The following ALDH1L2 variants were observed in gnomAD, a reference collection of about 807,000 sequenced individuals.
ALDH1L2 encodes aldehyde dehydrogenase 1 family member L2, also known as mitochondrial 10-formyltetrahydrofolate dehydrogenase.
In ALDH1L2, 91 loss-of-function variants were observed where a neutral mutation model predicts 111.0. That is an observed-to-expected ratio of 0.82 (90% confidence interval 0.69 to 0.98). The LOEUF (loss-of-function observed/expected upper bound fraction) is 0.98. Ranked by LOEUF, ALDH1L2 falls within the 50% of genes least tolerant of loss-of-function variation. The pLI is 0.00. For synonymous variants in ALDH1L2, 374 were observed against 392.6 expected, an observed-to-expected ratio of 0.95 and a Z score of 0.56; for missense variants, 995 against 1,126.8, an observed-to-expected ratio of 0.88 and a Z score of 1.67.
At chr12:105,072,196 T>C (rs1877778396) in intron 2 of ALDH1L2, among the ~76,000 whole-genome samples, 1 of 148,110 alleles carries the variant, frequency 6.8e-6, no homozygotes, top group Non-Finnish European at 1.5e-5. Context: ...TCCTATATGA[T>C]ATATACATTT....
intron 2 of ALDH1L2, among the ~76,000 whole-genome samples, chr12:105,073,327 CATAT>C (rs1392313235): frequency 6.6e-6 from 1 of 152,188 alleles, no homozygotes; most frequent in Non-Finnish European, 1.5e-5. Context: ...CCCACTTCCT[CATAT>C]AGTTACTCTA....
At chr12:105,046,215 ATATATATTTTTTTTTTTTT>A (rs1875886888) in intron 15 of ALDH1L2, among the ~76,000 whole-genome samples, 3 of 37,718 alleles carry the variant, frequency 8.0e-5, no homozygotes, top group Middle Eastern at 0.017. Flanking sequence ...ATATATATAT[ATATATATTTTTTTTTTTTT>A]TTTTTTTTTT....
chr12:105,038,289 C>A (rs771848251), intron 17 of ALDH1L2, 87 bp from the exon 18 acceptor site: 12,135 of 283,876 alleles, frequency 0.043, 134 homozygotes, highest in Admixed American at 0.057. Context: ...AACACACACA[C>A]ACACACACAC....
Position 105,052,804 on chromosome 12 carries a change from T to C in ALDH1L2, c.1407+8A>G. 6.2e-7 allele frequency: 1 copy of C among 1,614,034 alleles called. No homozygotes were observed. The highest frequency in any genetic ancestry group is 8.5e-7 in the Non-Finnish European group (1 of 1,179,956). ...AGTGATCACTACTCACACTAAAGAA[T>C]TACTCACAGATCCATCTGTTGGGTT... On this transcript the variant is annotated splice_region_variant and intron_variant, in intron 11 of 22. Transcript: ENST00000258494.
intron 10 of ALDH1L2, among the ~76,000 whole-genome samples, chr12:105,057,396 A>G (rs571020497): frequency 1.1e-4 from 16 of 152,322 alleles, no homozygotes; most frequent in African/African-American, 1.9e-4. Context: ...TGACTCATCA[A>G]TTCCACTCTT....
chr12:105,050,099 T>C (rs1417265097), intron 12 of ALDH1L2, 41 bp from the exon 13 acceptor site: 18 of 1,517,912 alleles, frequency 1.2e-5, no homozygotes, highest in Non-Finnish European at 1.4e-5. Context: ...CAAGTATTGA[T>C]TGAGCTCCTG....
At chr12:105,039,241 ATGAC>A (rs146018272) in intron 17 of ALDH1L2, among the ~76,000 whole-genome samples, 9,952 of 152,062 alleles carry the variant, frequency 0.065, 444 homozygotes, top group East Asian at 0.19. Context: ...CTCTATGAAC[ATGAC>A]TGCACAGTGT....
chr12:105,031,023 T>A (rs1306317663), intron 20 of ALDH1L2, among the ~76,000 whole-genome samples: 4 of 152,258 alleles, frequency 2.6e-5, no homozygotes, highest in Non-Finnish European at 5.9e-5. Context: ...TATCGTCATG[T>A]TAAAGAGACT....
chr12:105,030,052 C>T (rs1874617310), intron 21 of ALDH1L2: 1 of 236,698 alleles, frequency 4.2e-6, no homozygotes, highest in Non-Finnish European at 8.1e-6. Context: ...TTACTTTGTT[C>T]CACAGACATC....
chr12:105,072,792 G>A (rs1565973386), intron 2 of ALDH1L2, among the ~76,000 whole-genome samples: 1 of 152,172 alleles, frequency 6.6e-6, no homozygotes, highest in Non-Finnish European at 1.5e-5. Context: ...TGGCCAACAT[G>A]GTGAAACCAT....
chr12:105,045,086 G>A (rs920272664), intron 15 of ALDH1L2, among the ~76,000 whole-genome samples: 3 of 149,624 alleles, frequency 2.0e-5, no homozygotes, highest in Non-Finnish European at 4.5e-5. Context: ...AAGTTTGTTT[G>A]TTTGTTTGTT....
chr12:105,073,858 C>T lies in ALDH1L2; in HGVS notation c.193+3G>A. 1 of 1,614,018 alleles carries T rather than the reference C, an allele frequency of 6.2e-7. No homozygotes were observed. On this transcript the variant is annotated splice_donor_region_variant and intron_variant, in intron 2 of 22. Coordinates refer to ENST00000258494, the MANE Select transcript of ALDH1L2 (RefSeq NM_001034173.4). ...TGACCCAGTCATCCCAAGATGCACTCACCCAGAGGGTCAGCTTTTCCATCC... is the reference window on the plus strand; with the variant it reads ...TGACCCAGTCATCCCAAGATGCACTTACCCAGAGGGTCAGCTTTTCCATCC...
chr12:105,063,703 G>C (rs1026372507), intron 6 of ALDH1L2, among the ~76,000 whole-genome samples: 3 of 152,088 alleles, frequency 2.0e-5, no homozygotes, highest in Non-Finnish European at 1.5e-5. Flanking sequence ...GTCAATGATG[G>C]GCAATGCACA....
At position 105,070,609 on chromosome 12, in the gene ALDH1L2, G is replaced by T; in HGVS notation, c.389C>A (p.Ser130Tyr). The change falls in exon 3 of 23, where the codon TCC (serine) becomes TAC (tyrosine). Residue 130 changes from serine (S) to tyrosine (Y), a missense_variant. Physicochemically the swap from Ser to Tyr is moderately radical, Grantham distance 144. Coordinates refer to ENST00000258494, the MANE Select transcript of ALDH1L2 (RefSeq NM_001034173.4). Reference protein sequence around the residue: ...PKHGSIIYHPSILPRHRGASA... With the variant: ...PKHGSIIYHPYILPRHRGASA... ...GGCTCCTCTGTGCCTGGGCAGGATG[G>T]ATGGGTGATAAATGATAGAGCCGTG... is the stretch of plus-strand genomic sequence containing the variant. The T allele has an allele frequency of 1.2e-6, 2 of 1,614,066 alleles. No homozygotes were observed. Among genetic ancestry groups the T allele is most frequent in the South Asian group, 1.1e-5 (1 of 91,078 alleles).
intron 18 of ALDH1L2, 27 bp downstream of exon 18, chr12:105,038,076 A>G (rs763189445): frequency 5.0e-6 from 8 of 1,595,786 alleles, no homozygotes; most frequent in Non-Finnish European, 6.9e-6. Flanking sequence ...CCAGGCACCT[A>G]TTTACTTAAA....
At chr12:105,031,044 T>C (rs1874670718) in intron 20 of ALDH1L2, among the ~76,000 whole-genome samples, 1 of 152,216 alleles carries the variant, frequency 6.6e-6, no homozygotes, top group Admixed American at 6.5e-5. Context: ...GGGTCAGTTG[T>C]TTATACATTA....
At chr12:105,058,244 G>A (rs369346237) in intron 9 of ALDH1L2, 24 bp from the exon 10 acceptor site, 30 of 1,581,556 alleles carry the variant, frequency 1.9e-5, no homozygotes, top group African/African-American at 5.5e-5. Flanking sequence ...CCAGCTTCGC[G>A]TTACTTAGAT....
intron 1 of ALDH1L2, among the ~76,000 whole-genome samples, chr12:105,074,457 C>CAAAAAAAAAAAAAAAAAAAAAAA (rs1565974203): frequency 6.4e-5 from 6 of 93,698 alleles, no homozygotes; most frequent in South Asian, 3.1e-4. Context: ...GACTCTGTCT[C>CAAAAAAAAAAAAAAAAAAAAAAA]CAAAAAAAAA....
At position 105,026,702 on chromosome 12, in the gene ALDH1L2, A is replaced by G. The variant is rs765581873; in HGVS notation, c.2559T>C (p.Tyr853=). 1.5e-5 allele frequency: 25 copies of G among 1,614,084 alleles called. No individual in the cohort carries two copies. The highest frequency in any genetic ancestry group is 2.7e-5 in the African/African-American group (2 of 74,932). Reference sequence around the variant, plus strand: ...TTGTAAAAACCCCTGAGGCCAAACCATACTCTGTACTATTTGCTCGCTGCA... The same window carrying G: ...TTGTAAAAACCCCTGAGGCCAAACCGTACTCTGTACTATTTGCTCGCTGCA... ...GVLQRANSTE[Y]GLASGVFTRD... Residue 853 remains tyrosine, a synonymous_variant, in exon 22 of 23, where the codon TAT becomes TAC. Coordinates refer to ENST00000258494, the MANE Select transcript of ALDH1L2 (RefSeq NM_001034173.4).
Sources: gnomAD v4.1 joint callset for allele counts (sites outside exome capture counted in the v4.1 genomes callset) on GRCh38, gnomAD v4.1.1 for gene constraint, MANE v1.5 for transcripts, NCBI Gene and HGNC (gene_info 2026-07-23, HGNC 2026-07-21) for gene names.